Variants in KPNB1 observed in about 807,000 individuals in gnomAD.
The protein encoded by KPNB1 is karyopherin subunit beta 1.
A neutral mutation model predicts 113.0 loss-of-function variants in KPNB1; 7 were observed. The ratio of observed to expected loss-of-function variants is 0.06; its 90% confidence interval spans 0.04 to 0.12. The LOEUF is 0.12. Among genes scored for constraint, KPNB1 ranks in the 10% least tolerant of loss-of-function variants. The pLI is 1.00. For synonymous variants in KPNB1, 363 were observed against 378.6 expected (o/e 0.96, Z 0.48); for missense variants, 400 against 1,054.8 (o/e 0.38, Z 8.60).
intron 3 of KPNB1, among the ~76,000 whole-genome samples, chr17:47,655,775 C>T (rs1745122254): frequency 6.6e-6 from 1 of 152,208 alleles, no homozygotes; most frequent in Non-Finnish European, 1.5e-5. Context: ...TTGTCCCCAT[C>T]TCTCTCCTTT....
In KPNB1 at chr17:47,685,271, A is replaced by C. The variant is rs1490802884; in HGVS notation, c.*2867A>C. ...CCAAGCAATCTATTTACTCTTACAA[A>C]TATTTAAGAAGTGTGTTAGTCCAAC... is the stretch of plus-strand genomic sequence containing the variant. On this transcript the variant is annotated 3_prime_UTR_variant, in exon 22 of 22. Transcript: ENST00000290158. 1 of 152,126 alleles carries C rather than the reference A, an allele frequency of 6.6e-6. No homozygotes were observed. Among genetic ancestry groups the C allele is most frequent in the African/African-American group, 2.4e-5 (1 of 41,416 alleles). 9.4% of individuals were successfully genotyped at this position (152,126 alleles called of 1,614,324 possible).
intron 6 of KPNB1, among the ~76,000 whole-genome samples, chr17:47,662,442 G>T (rs920019984): frequency 8.5e-5 from 13 of 152,072 alleles, no homozygotes; most frequent in Non-Finnish European, 1.6e-4. Context: ...TGTGCGTGAT[G>T]GGGCGAGCCT....
chr17:47,673,447 G>A, intron 13 of KPNB1, 43 bp from the exon 14 acceptor site: 1 of 1,505,964 alleles, frequency 6.6e-7, no homozygotes, highest in Non-Finnish European at 9.2e-7. Flanking sequence ...CAGCAAAAGT[G>A]GAAGGTTTTC....
At position 47,664,282 on chromosome 17, in the gene KPNB1, G is replaced by C; in HGVS notation, c.897+13G>C. ...TGAAGCTTCAGAGGTGAGCTGGGGA[G>C]AACTATTACTCTGAATACGCTTTGG... On this transcript the variant is annotated intron_variant, in intron 8 of 21. Transcript: ENST00000290158. 6.7e-7 allele frequency: 1 copy of C among 1,483,170 alleles called. No homozygotes were observed. The allele number at this position is 1,483,170 out of a possible 1,614,324, so 91.9% of individuals were successfully genotyped here.
At chr17:47,663,324 A>G (rs2030164442) in intron 7 of KPNB1, 146 bp downstream of exon 7, 2 of 577,972 alleles carry the variant, frequency 3.5e-6, no homozygotes, top group South Asian at 3.7e-5. Context: ...TAAGCTCATC[A>G]GTGGTGTGCC....
intron 6 of KPNB1, 116 bp from the exon 7 acceptor site, chr17:47,662,973 C>T (rs1023621391): frequency 4.7e-5 from 34 of 727,232 alleles, no homozygotes; most frequent in South Asian, 1.4e-4. Context: ...GAAATGATAA[C>T]GTATCCCATA....
chr17:47,657,944 C>T (rs2029957847), intron 4 of KPNB1, among the ~76,000 whole-genome samples: 1 of 152,224 alleles, frequency 6.6e-6, no homozygotes, highest in South Asian at 2.1e-4. Flanking sequence ...AAGCCAGGCA[C>T]AGTGGCTTAC....
At chr17:47,663,229 A>G (rs750961594) in intron 7 of KPNB1, 51 bp downstream of exon 7, 2 of 945,540 alleles carry the variant, frequency 2.1e-6, no homozygotes, top group Admixed American at 3.5e-5. Flanking sequence ...TACAGAGCCC[A>G]TCATCCTTAG....
chr17:47,681,075 G>A (rs1317357279), intron 21 of KPNB1, among the ~76,000 whole-genome samples: 1 of 151,530 alleles, frequency 6.6e-6, no homozygotes, highest in Admixed American at 6.6e-5. Flanking sequence ...GTGTGTGTGT[G>A]TGTGTTTTCT....
chr17:47,676,272 A>G, intron 15 of KPNB1, 137 bp from the exon 16 acceptor site: 3 of 654,768 alleles, frequency 4.6e-6, no homozygotes, highest in Non-Finnish European at 8.3e-6. Context: ...TCATGATGGA[A>G]TCGGTAACTA....
chr17:47,656,745 C>T lies in KPNB1; in HGVS notation c.283-115C>T, dbSNP rs898818340. On this transcript the variant is annotated intron_variant, in intron 3 of 21. Transcript: ENST00000290158. ...TCCGGGCAACATAGTGAGACCCTGT[C>T]TTAAGAAAGAAAGAAAAAAAAGAAT... 1.5e-5 allele frequency: 15 copies of T among 1,029,162 alleles called. No homozygotes were observed. In the Admixed American group the frequency reaches 1.9e-4, roughly 13 times the overall value. 63.8% of individuals were successfully genotyped at this position (1,029,162 alleles called of 1,614,324 possible).
At position 47,684,563 on chromosome 17, in the gene KPNB1, A is replaced by G. The variant is rs1013784093; in HGVS notation, c.*2159A>G. 8.5e-5 allele frequency: 13 copies of G among 152,388 alleles called. No individual in the cohort carries two copies. The highest frequency in any genetic ancestry group is 3.1e-4 in the African/African-American group (13 of 41,354). The allele number at this position is 152,388 out of a possible 1,614,324, so 9.4% of individuals were successfully genotyped here. On this transcript the variant is annotated 3_prime_UTR_variant, in exon 22 of 22. Transcript: ENST00000290158. ...TAGGGAGGGGGCAGAAATATTGGGG[A>G]TAGAAAAAAAATCTGATCATTCCTC...
At chr17:47,661,520 T>G (rs1458994931) in intron 6 of KPNB1, among the ~76,000 whole-genome samples, 1 of 152,158 alleles carries the variant, frequency 6.6e-6, no homozygotes, top group Non-Finnish European at 1.5e-5. Context: ...AAGAATCGCT[T>G]GAACCTGGGA....
chr17:47,673,777 A>T (rs1324257674), intron 14 of KPNB1: 1 of 562,998 alleles, frequency 1.8e-6, no homozygotes, highest in African/African-American at 1.9e-5. Flanking sequence ...CTACTTATTT[A>T]CAGATGGTCT....
chr17:47,675,372 G>GTTTT (rs755565036), intron 15 of KPNB1, among the ~76,000 whole-genome samples: 14 of 86,062 alleles, frequency 1.6e-4, no homozygotes, highest in African/African-American at 6.2e-4. Flanking sequence ...TTTTTTTTTT[G>GTTTT]TTTTTTTTTT....
intron 19 of KPNB1, among the ~76,000 whole-genome samples, chr17:47,678,879 A>T (rs1454091476): frequency 6.6e-6 from 1 of 152,114 alleles, no homozygotes; most frequent in Non-Finnish European, 1.5e-5. Flanking sequence ...AAGTGCTGGG[A>T]TTACAGGCTT....
intron 13 of KPNB1, 54 bp downstream of exon 13, chr17:47,673,219 C>T: frequency 6.5e-7 from 1 of 1,527,846 alleles, no homozygotes. Flanking sequence ...GTACTTTTGA[C>T]ACCTAGGTCT....
intron 2 of KPNB1, 44 bp downstream of exon 2, chr17:47,650,488 C>G (rs749093275): frequency 7.0e-5 from 110 of 1,572,262 alleles, no homozygotes; most frequent in Non-Finnish European, 9.1e-5. Context: ...GTCCCCATCC[C>G]CTGCGTGCGG....
chr17:47,661,253 TA>T (rs1299064325), intron 6 of KPNB1, 75 bp downstream of exon 6: 22 of 1,079,130 alleles, frequency 2.0e-5, no homozygotes, highest in Non-Finnish European at 2.9e-5. Flanking sequence ...AAGTTTGAAA[TA>T]CTGGGAATCA....
Sources: allele counts gnomAD v4.1 joint callset (sites outside exome capture counted in the v4.1 genomes callset), GRCh38; gene constraint gnomAD v4.1.1; transcripts MANE v1.5; gene names NCBI Gene and HGNC (gene_info 2026-07-23, HGNC 2026-07-21).